The following USP9Y variants were observed in gnomAD, a reference collection of about 807,000 sequenced individuals.
USP9Y encodes the protein ubiquitin specific peptidase 9 Y-linked.
In USP9Y, 41 loss-of-function variants were observed where a neutral mutation model predicts 53.1. The ratio of observed to expected loss-of-function variants is 0.77; its 90% CI spans 0.60 to 1.00. The LOEUF is 1.00. Ranked by LOEUF, USP9Y falls within the 50% of genes least tolerant of loss-of-function variation. The pLI is 0.00. For missense variants in USP9Y, 567 were observed against 535.8 expected (o/e 1.06, Z -0.58); for synonymous variants, 220 against 173.7 (o/e 1.27, Z -2.09).
intron 39 of USP9Y, among the ~76,000 whole-genome samples, chrY:12,843,457 C>T (rs2053564063): frequency 3.1e-5 from 1 of 32,698 alleles, no homozygotes; most frequent in Non-Finnish European, 7.5e-5. Flanking sequence ...CTTAACATTG[C>T]TTTTTGAAAA....
In USP9Y at chrY:12,837,992, T is replaced by C. The variant is rs1489106724; in HGVS notation, c.5277T>C (p.Tyr1759=). ...ATCTTCTTGACTCTTTGGAACAGTATATCAAAGGAGATTTATTGGAAGGTG... is the reference window on the plus strand; with the variant it reads ...ATCTTCTTGACTCTTTGGAACAGTACATCAAAGGAGATTTATTGGAAGGTG... ...HQNLLDSLEQ[Y]IKGDLLEGAN... is the part of the protein sequence containing the mutation. The change falls in exon 35 of 46, where the codon TAT becomes TAC. Residue 1759 remains tyrosine, a synonymous_variant. Transcript: ENST00000338981. 2 of 375,875 alleles carry C rather than the reference T, an allele frequency of 5.3e-6. No homozygotes were observed. The highest frequency in any genetic ancestry group is 3.8e-6 in the Non-Finnish European group (1 of 263,210). 93.8% of individuals were successfully genotyped at this position (375,875 alleles called of 400,897 possible).
At position 12,812,996 on chromosome Y, in the gene USP9Y, T is replaced by G; in HGVS notation, c.4553T>G (p.Leu1518Arg). Residue 1518 changes from leucine (L) to arginine (R), a missense_variant, in exon 31 of 46, where the codon CTC (leucine) becomes CGC (arginine). Transcript: ENST00000338981. The stretch of plus-strand genomic sequence containing the variant: ...TTAGCTATTGGCTGTGTGAGGAATC[T>G]CAAACAGATAGTAGACTGTTTGACT... ...VALAIGCVRN[L>R]KQIVDCLTEM... The G allele has an allele frequency of 2.5e-6, 1 of 398,871 alleles. No individual in the cohort carries two copies. The highest frequency in any genetic ancestry group is 3.5e-6 in the Non-Finnish European group (1 of 283,512).
At chrY:12,796,733 T>C (rs2053513213) in intron 27 of USP9Y, among the ~76,000 whole-genome samples, 1 of 33,975 alleles carries the variant, frequency 2.9e-5, no homozygotes, top group Admixed American at 2.6e-4. Flanking sequence ...CCATATAGGG[T>C]AAACTTCCTG....
intron 10 of USP9Y, 56 bp from the exon 11 acceptor site, chrY:12,738,101 G>T (rs774242831): frequency 3.2e-6 from 1 of 309,044 alleles, no homozygotes; most frequent in South Asian, 4.0e-5. Context: ...TTTTTATTTC[G>T]CTTTTTAAAA....
At chrY:12,770,408 C>CA (rs2053484805) in intron 15 of USP9Y, among the ~76,000 whole-genome samples, 1 of 27,480 alleles carries the variant, frequency 3.6e-5, no homozygotes, top group East Asian at 9.4e-4. Context: ...GACTCCATCT[C>CA]AAAAAAAAAA....
intron 1 of USP9Y, among the ~76,000 whole-genome samples, chrY:12,707,749 T>C (rs2053420653): frequency 3.6e-5 from 1 of 28,039 alleles, no homozygotes; most frequent in Non-Finnish European, 8.5e-5. Flanking sequence ...TTCTTTTTTT[T>C]TTTTTTTGAG....
intron 12 of USP9Y, among the ~76,000 whole-genome samples, chrY:12,749,971 G>T (rs781146346): frequency 3.0e-5 from 1 of 33,630 alleles, no homozygotes; most frequent in African/African-American, 1.2e-4. Context: ...TATTCAGTTT[G>T]TATTGTACTA....
At chrY:12,715,322 G>GT (rs2053429601) in intron 3 of USP9Y, among the ~76,000 whole-genome samples, 82 of 25,387 alleles carry the variant, frequency 3.2e-3, no homozygotes, top group Non-Finnish European at 5.7e-3. Context: ...CTTCTTAGTA[G>GT]TTTTTTTTTT....
At chrY:12,855,304 G>A (rs960589288) in intron 42 of USP9Y, among the ~76,000 whole-genome samples, 14 of 33,047 alleles carry the variant, frequency 4.2e-4, no homozygotes, top group African/African-American at 1.7e-3. Flanking sequence ...ATTGCAGTGG[G>A]GTGATCTCCG....
At chrY:12,714,885 T>C in intron 3 of USP9Y, among the ~76,000 whole-genome samples, 2 of 32,925 alleles carry the variant, frequency 6.1e-5, no homozygotes, top group African/African-American at 1.2e-4. Flanking sequence ...TTAAGTACTA[T>C]GTAGAAAGGA....
chrY:12,827,423 T>C (rs2053547354), intron 33 of USP9Y, among the ~76,000 whole-genome samples: 1 of 33,152 alleles, frequency 3.0e-5, no homozygotes, highest in Non-Finnish European at 7.4e-5. Flanking sequence ...ATATCAAGCA[T>C]TGAATAAGGT....
At chrY:12,814,527 CAAAAAAAAAAAAAAA>C (rs781072709) in intron 31 of USP9Y, among the ~76,000 whole-genome samples, 4 of 1,301 alleles carry the variant, frequency 3.1e-3, no homozygotes, top group Non-Finnish European at 3.1e-3. Context: ...GACTCCGTCT[CAAAAAAAAAAAAAAA>C]AAAAAAAAAA....
chrY:12,826,336 A>G, intron 33 of USP9Y, among the ~76,000 whole-genome samples: 1 of 31,608 alleles, frequency 3.2e-5, no homozygotes, highest in Admixed American at 2.9e-4. Context: ...TAATCCCAGC[A>G]CTTTGGGAGG....
At chrY:12,754,601 A>G (rs2053466716) in intron 12 of USP9Y, among the ~76,000 whole-genome samples, 1 of 32,582 alleles carries the variant, frequency 3.1e-5, no homozygotes, top group African/African-American at 1.2e-4. Flanking sequence ...TAGGACTTGA[A>G]CAACAATTAA....
chrY:12,762,813 C>A (rs2053476682), intron 15 of USP9Y, among the ~76,000 whole-genome samples: 1 of 33,484 alleles, frequency 3.0e-5, no homozygotes, highest in African/African-American at 1.2e-4. Flanking sequence ...ATACAGTCCC[C>A]TGAATTCATT....
intron 27 of USP9Y, among the ~76,000 whole-genome samples, chrY:12,801,168 G>A: frequency 6.1e-5 from 2 of 33,046 alleles, no homozygotes; most frequent in African/African-American, 2.4e-4. Context: ...CGACTGGGCC[G>A]GAGTACCTAA....
intron 31 of USP9Y, among the ~76,000 whole-genome samples, chrY:12,814,552 AAG>A (rs2053534945): frequency 3.4e-5 from 1 of 29,542 alleles, no homozygotes; most frequent in Non-Finnish European, 8.1e-5. Flanking sequence ...AAAAAAAAAA[AAG>A]AAACACTTGT....
At chrY:12,749,142 G>A in intron 12 of USP9Y, among the ~76,000 whole-genome samples, 1 of 33,050 alleles carries the variant, frequency 3.0e-5, no homozygotes. Context: ...CCCTTCCCTG[G>A]AACATCCTTC....
At chrY:12,845,169 T>C (rs2053565354) in intron 39 of USP9Y, among the ~76,000 whole-genome samples, 2 of 33,467 alleles carry the variant, frequency 6.0e-5, no homozygotes, top group Non-Finnish European at 1.5e-4. Context: ...CTTAAAAACA[T>C]CACACTGTCT....
Sources: gnomAD v4.1 joint callset for allele counts (sites outside exome capture counted in the v4.1 genomes callset) on GRCh38, gnomAD v4.1.1 for gene constraint, MANE v1.5 for transcripts, NCBI Gene and HGNC (gene_info 2026-07-23, HGNC 2026-07-21) for gene names.